Variants in ZNF605 observed in about 807,000 individuals in gnomAD.
ZNF605 encodes the protein zinc finger protein 605.
In ZNF605, 9 loss-of-function variants were observed where a neutral mutation model predicts 7.9. The ratio of observed to expected loss-of-function variants is 1.14; its 90% CI spans 0.68 to 1.98. The LOEUF (loss-of-function observed/expected upper bound fraction) is 1.98. Ranked by LOEUF, ZNF605 falls within the 30% of genes most tolerant of loss-of-function variation. The probability of loss-of-function intolerance (pLI) is 0.00; values close to 1 mark genes in which losing one functional copy is unlikely to be tolerated. For synonymous variants in ZNF605, 255 were observed against 260.1 expected, an observed-to-expected ratio of 0.98 and a Z score of 0.19; for missense variants, 673 against 762.4, an observed-to-expected ratio of 0.88 and a Z score of 1.38.
Position 132,941,579 on chromosome 12 carries a change from C to G in ZNF605, c.15+4042G>C, listed in dbSNP as rs994180472. 2.0e-5 allele frequency among the ~76,000 whole-genome samples: 3 copies of G among 152,222 alleles called. No individual in the cohort carries two copies. The highest frequency in any genetic ancestry group is 4.4e-5 in the Non-Finnish European group (3 of 68,040). On this transcript the variant is annotated intron_variant, in intron 3 of 4. Transcript: ENST00000360187. The surrounding 1 kb of genome is among the most constrained non-coding windows in gnomAD (Gnocchi z 5.1). ...TCATGGGGCGTCTGAGGAACCGTAT[C>G]GCTCACGAGCAACAGGGTAACTGAC...
In ZNF605 at chr12:132,924,854, T is replaced by C. The variant is rs1952231602; in HGVS notation, c.*519A>G. 1 of 152,654 alleles carries C rather than the reference T, an allele frequency of 6.6e-6. No homozygotes were observed. Among genetic ancestry groups the C allele is most frequent in the Non-Finnish European group, 1.5e-5 (1 of 68,380 alleles). The allele number at this position is 152,654 out of a possible 1,614,324, so 9.5% of individuals were successfully genotyped here. ...AACACACCTCACACTTACAATTCACTGCTTTTTGTAATAATTGATGTATAA... is the reference window on the plus strand; with the variant it reads ...AACACACCTCACACTTACAATTCACCGCTTTTTGTAATAATTGATGTATAA... On this transcript the variant is annotated 3_prime_UTR_variant, in exon 5 of 5. Transcript: ENST00000360187.
chr12:132,954,509 C>G (rs1214250545), intron 1 of ZNF605, among the ~76,000 whole-genome samples: 4 of 69,474 alleles, frequency 5.8e-5, no homozygotes, highest in Non-Finnish European at 9.4e-5. Context: ...ACACTGGTCT[C>G]CATTCACTCA....
In ZNF605 at chr12:132,927,124, T is replaced by C; in HGVS notation, c.175A>G (p.Asn59Asp). 6.3e-7 allele frequency: 1 copy of C among 1,580,032 alleles called. No individual in the cohort carries two copies. Among genetic ancestry groups the C allele is most frequent in the Non-Finnish European group, 8.5e-7 (1 of 1,173,258 alleles). ...TCCATACTTTTAAGGTTGTCTTGAT[T>C]ATCTCGGAGCCACATTTTGGGATTA... The part of the protein sequence containing the change: ...LDNPKMWLRD[N>D]QDNLKSMERG... The change falls in exon 5 of 5, where the codon AAT becomes GAT. Residue 59 changes from asparagine to aspartate, a missense_variant. Physicochemically the swap from Asn to Asp is conservative, Grantham distance 23 (BLOSUM62 1). Coordinates refer to ENST00000360187, the MANE Select transcript of ZNF605 (RefSeq NM_183238.4).
chr12:132,948,636 G>C (rs1300284559), intron 1 of ZNF605: 1 of 152,246 alleles, frequency 6.6e-6, no homozygotes, highest in Non-Finnish European at 1.5e-5. Context: ...CACAGAAATA[G>C]AGTAAGCAAT....
chr12:132,937,875 C>T (rs962850143), intron 3 of ZNF605, among the ~76,000 whole-genome samples: 10 of 152,242 alleles, frequency 6.6e-5, no homozygotes, highest in African/African-American at 2.4e-4. Flanking sequence ...GAATCACACG[C>T]CAAGAAAAAG....
chr12:132,935,279 G>C (rs1952352860), intron 3 of ZNF605, among the ~76,000 whole-genome samples: 1 of 152,086 alleles, frequency 6.6e-6, no homozygotes, highest in South Asian at 2.1e-4. Flanking sequence ...TACTCCGTGT[G>C]TGGGTCAATG....
At chr12:132,942,684 C>T (rs1952455549) in intron 3 of ZNF605, among the ~76,000 whole-genome samples, 1 of 152,236 alleles carries the variant, frequency 6.6e-6, no homozygotes, top group Non-Finnish European at 1.5e-5. Context: ...TCTGGGATTG[C>T]ACTCAGGACC....
chr12:132,953,917 T>C (rs1275938483), intron 1 of ZNF605, among the ~76,000 whole-genome samples: 1 of 151,944 alleles, frequency 6.6e-6, no homozygotes, highest in Non-Finnish European at 1.5e-5. Context: ...CTCACAGACC[T>C]CACTGCCCAC....
chr12:132,951,508 TACAC>T (rs370230615), intron 1 of ZNF605, among the ~76,000 whole-genome samples: 2 of 149,402 alleles, frequency 1.3e-5, no homozygotes, highest in Admixed American at 6.7e-5. Context: ...CACACACACG[TACAC>T]ACACACTGAT....
chr12:132,948,420 T>A (rs1455168341), intron 1 of ZNF605, 150 bp from the exon 2 acceptor site: 3 of 152,216 alleles, frequency 2.0e-5, no homozygotes, highest in African/African-American at 7.2e-5. Context: ...CTAGGAATGG[T>A]TGTCGAGCAG....
chr12:132,938,896 G>C (rs1401528408), intron 3 of ZNF605, among the ~76,000 whole-genome samples: 1 of 152,140 alleles, frequency 6.6e-6, no homozygotes, highest in South Asian at 2.1e-4. Flanking sequence ...TTAGCACCCG[G>C]GCCAGTGGCT....
intron 1 of ZNF605, among the ~76,000 whole-genome samples, chr12:132,950,932 C>T (rs1255473540): frequency 6.6e-6 from 1 of 150,994 alleles, no homozygotes; most frequent in African/African-American, 2.4e-5. Context: ...AACGTATACA[C>T]AGACACGTAC....
intron 1 of ZNF605, among the ~76,000 whole-genome samples, chr12:132,954,391 C>T (rs914758481): frequency 0.048 from 122 of 2,544 alleles, no homozygotes; most frequent in East Asian, 0.078. Flanking sequence ...TCAGTCACTC[C>T]TGCAGGTGAG....
rs1952327646 is a variant in ZNF605 at position 132,933,597 on chromosome 12, C to T, written c.16-442G>A. The stretch of plus-strand genomic sequence containing the variant: ...ATGTGAGACCCTCAACCAGAACCAA[C>T]TGGGCAAGTACCTGGCAGATTCCAA... On this transcript the variant is annotated intron_variant, in intron 3 of 4. Transcript: ENST00000360187. The surrounding 1 kb of genome is among the most constrained non-coding windows in gnomAD (Gnocchi z 4.4). Among the ~76,000 whole-genome samples the T allele has an allele frequency of 6.6e-6, 1 of 152,208 alleles. No homozygotes were observed. Among genetic ancestry groups the T allele is most frequent in the Non-Finnish European group, 1.5e-5 (1 of 68,042 alleles).
In ZNF605 at chr12:132,949,366, G is replaced by A. The variant is rs1015232850; in HGVS notation, c.-285-1096C>T. Among the ~76,000 whole-genome samples the A allele has an allele frequency of 3.3e-5, 5 of 152,126 alleles. No individual in the cohort carries two copies. In the South Asian group the frequency reaches 6.2e-4, roughly 19 times the overall value. The stretch of plus-strand genomic sequence containing the variant: ...CGCACTGCCTCCCTTTCACTGTTTC[G>A]CCCTGAACGTCTGCTTCTTAGCTGT... On this transcript the variant is annotated intron_variant, in intron 1 of 4. Coordinates refer to ENST00000360187, the MANE Select transcript of ZNF605 (RefSeq NM_183238.4).
chr12:132,951,495 A>G (rs1952566132), intron 1 of ZNF605, among the ~76,000 whole-genome samples: 4 of 151,428 alleles, frequency 2.6e-5, no homozygotes. Context: ...TACATCACAT[A>G]TACACACACA....
At chr12:132,943,388 G>A (rs1952465682) in intron 3 of ZNF605, among the ~76,000 whole-genome samples, 1 of 151,588 alleles carries the variant, frequency 6.6e-6, no homozygotes, top group Non-Finnish European at 1.5e-5. Flanking sequence ...AAAACCTGTA[G>A]TGCATGTTCA....
intron 2 of ZNF605, among the ~76,000 whole-genome samples, chr12:132,947,386 C>T (rs1593600814): frequency 6.6e-6 from 1 of 152,042 alleles, no homozygotes; most frequent in Non-Finnish European, 1.5e-5. Context: ...TCTTGGCTCA[C>T]CGTAGCCTCA....
chr12:132,925,682 C>T lies in ZNF605; in HGVS notation c.1617G>A (p.Gly539=). 2 of 1,614,138 alleles carry T rather than the reference C, an allele frequency of 1.2e-6. No individual in the cohort carries two copies. The highest frequency in any genetic ancestry group is 2.2e-5 in the South Asian group (2 of 91,070). The change falls in exon 5 of 5, where the codon GGG becomes GGA. Residue 539 remains glycine, a synonymous_variant. Coordinates refer to ENST00000360187, the MANE Select transcript of ZNF605 (RefSeq NM_183238.4). Reference sequence around the variant, plus strand: ...GCTGCACTTTCTGAACAAATGCTTTCCCACATTCACTGCATTCATAGGGTT... The same window carrying T: ...GCTGCACTTTCTGAACAAATGCTTTTCCACATTCACTGCATTCATAGGGTT... ...GEKPYECSEC[G]KAFVQKVQLI...
Sources: gnomAD v4.1 joint callset for allele counts (sites outside exome capture counted in the v4.1 genomes callset) on GRCh38, gnomAD v4.1.1 for gene constraint, Gnocchi (gnomAD v3.1) non-coding constraint, MANE v1.5 for transcripts, NCBI Gene and HGNC (gene_info 2026-07-23, HGNC 2026-07-21) for gene names.